The following DPYD variants were observed in gnomAD, a reference collection of about 807,000 sequenced individuals.
DPYD encodes the protein dihydropyrimidine dehydrogenase, also known as dihydropyrimidine dehydrogenase [NADP(+)].
A neutral mutation model predicts 116.2 loss-of-function variants in DPYD; 109 were observed. The ratio of observed to expected loss-of-function variants is 0.94; its 90% CI spans 0.80 to 1.10. DPYD has a LOEUF of 1.10. Among genes scored for constraint, DPYD ranks in the 50% least tolerant of loss-of-function variants. The pLI is 0.00. For synonymous variants in DPYD, 440 were observed against 432.0 expected, an observed-to-expected ratio of 1.02 and a Z score of -0.23; for missense variants, 1,302 against 1,254.5, an observed-to-expected ratio of 1.04 and a Z score of -0.57.
At chr1:97,675,591 C>T (rs1340614200) in intron 8 of DPYD, among the ~76,000 whole-genome samples, 1 of 152,090 alleles carries the variant, frequency 6.6e-6, no homozygotes, top group East Asian at 1.9e-4. Flanking sequence ...TGTGAACAGA[C>T]TTGACTTAAT....
chr1:97,332,361 C>T (rs931957553), intron 16 of DPYD, among the ~76,000 whole-genome samples: 10 of 152,170 alleles, frequency 6.6e-5, no homozygotes, highest in African/African-American at 2.2e-4. Flanking sequence ...CTCACACATG[C>T]ATTCAATTTT....
intron 2 of DPYD, among the ~76,000 whole-genome samples, chr1:97,878,431 C>T (rs1312877027): frequency 1.3e-5 from 2 of 151,932 alleles, no homozygotes; most frequent in Non-Finnish European, 2.9e-5. Context: ...AATTCTTTAT[C>T]TCCATCCCAG....
intron 1 of DPYD, among the ~76,000 whole-genome samples, chr1:97,919,783 A>G (rs945275356): frequency 1.3e-5 from 2 of 152,194 alleles, no homozygotes; most frequent in Non-Finnish European, 2.9e-5. Flanking sequence ...AGATGTCCAC[A>G]TAATACACTT....
At chr1:97,467,720 C>T (rs967196375) in intron 13 of DPYD, among the ~76,000 whole-genome samples, 1 of 152,110 alleles carries the variant, frequency 6.6e-6, no homozygotes, top group Non-Finnish European at 1.5e-5. Context: ...ATCATGTACT[C>T]CATCAACAAA....
At chr1:97,456,023 C>G (rs567150066) in intron 13 of DPYD, among the ~76,000 whole-genome samples, 1 of 151,664 alleles carries the variant, frequency 6.6e-6, no homozygotes, top group Admixed American at 6.6e-5. Context: ...AGTTGTAGCA[C>G]TGACATTGTA....
At chr1:97,150,959 A>G (rs899086395) in intron 20 of DPYD, among the ~76,000 whole-genome samples, 2 of 152,206 alleles carry the variant, frequency 1.3e-5, no homozygotes, top group Non-Finnish European at 2.9e-5. Context: ...GTCTGGAAAC[A>G]CCAGAAGTGT....
chr1:97,292,046 G>C (rs1157202904), intron 18 of DPYD, among the ~76,000 whole-genome samples: 1 of 151,850 alleles, frequency 6.6e-6, no homozygotes, highest in East Asian at 1.9e-4. Flanking sequence ...TTTCAAAGTG[G>C]GGACTAAAGT....
intron 18 of DPYD, among the ~76,000 whole-genome samples, chr1:97,255,074 A>T (rs1226059597): frequency 6.6e-6 from 1 of 152,162 alleles, no homozygotes; most frequent in Non-Finnish European, 1.5e-5. Context: ...AGTTTAGGGC[A>T]TGCCTGAGTA....
At chr1:97,657,685 C>T (rs1011871022) in intron 8 of DPYD, among the ~76,000 whole-genome samples, 2 of 152,120 alleles carry the variant, frequency 1.3e-5, no homozygotes, top group African/African-American at 2.4e-5. Flanking sequence ...ACAAAGGAAC[C>T]ACGGGCGTCT....
At chr1:97,849,538 G>A (rs1381524320) in intron 2 of DPYD, among the ~76,000 whole-genome samples, 4 of 150,970 alleles carry the variant, frequency 2.6e-5, no homozygotes, top group East Asian at 1.9e-4. Flanking sequence ...ACGGAAGCCC[G>A]GAGCTTAAAT....
At chr1:97,543,305 T>C (rs1424764764) in intron 12 of DPYD, among the ~76,000 whole-genome samples, 1 of 152,100 alleles carries the variant, frequency 6.6e-6, no homozygotes, top group Non-Finnish European at 1.5e-5. Flanking sequence ...TGTGGTACCC[T>C]CCCGAAGTCA....
intron 14 of DPYD, among the ~76,000 whole-genome samples, chr1:97,385,475 G>C (rs1456483085): frequency 1.3e-5 from 2 of 150,636 alleles, no homozygotes; most frequent in African/African-American, 2.4e-5. Context: ...TAGTTACCCT[G>C]TGGCGAAACT....
intron 2 of DPYD, among the ~76,000 whole-genome samples, chr1:97,839,510 G>C (rs1000032348): frequency 2.6e-5 from 4 of 152,150 alleles, no homozygotes; most frequent in African/African-American, 9.7e-5. Flanking sequence ...GTGTGTGTGT[G>C]TGTGTGTACC....
intron 13 of DPYD, among the ~76,000 whole-genome samples, chr1:97,481,258 G>T (rs1170334451): frequency 6.6e-6 from 1 of 151,948 alleles, no homozygotes; most frequent in Non-Finnish European, 1.5e-5. Flanking sequence ...ATATTATTTG[G>T]CCAATATGAC....
chr1:97,396,055 G>C (rs2101618089), intron 14 of DPYD, among the ~76,000 whole-genome samples: 1 of 149,974 alleles, frequency 6.7e-6, no homozygotes, highest in East Asian at 2.0e-4. Context: ...TCCCAAATTT[G>C]AGGTATTTTG....
chr1:97,778,013 C>T (rs1474140509), intron 3 of DPYD, among the ~76,000 whole-genome samples: 1 of 151,614 alleles, frequency 6.6e-6, no homozygotes, highest in East Asian at 1.9e-4. Context: ...CAAAAATTAG[C>T]CAGGCATGGT....
chr1:97,096,706 G>A (rs1650273071), intron 21 of DPYD, among the ~76,000 whole-genome samples: 1 of 152,042 alleles, frequency 6.6e-6, no homozygotes, highest in South Asian at 2.1e-4. Flanking sequence ...CCAATCACAG[G>A]GAGGATTGAA....
chr1:97,746,591 G>A (rs1664569376), intron 3 of DPYD, among the ~76,000 whole-genome samples: 1 of 152,006 alleles, frequency 6.6e-6, no homozygotes, highest in African/African-American at 2.4e-5. Flanking sequence ...TCTGGATAAA[G>A]AAGAAAAAGA....
At chr1:97,667,995 T>C (rs1352095165) in intron 8 of DPYD, among the ~76,000 whole-genome samples, 1 of 152,086 alleles carries the variant, frequency 6.6e-6, no homozygotes, top group Non-Finnish European at 1.5e-5. Context: ...CCATACTAGG[T>C]ACATAGAATA....
Sources: gnomAD v4.1 joint callset for allele counts (sites outside exome capture counted in the v4.1 genomes callset) on GRCh38, gnomAD v4.1.1 for gene constraint, MANE v1.5 for transcripts, NCBI Gene and HGNC (gene_info 2026-07-23, HGNC 2026-07-21) for gene names.